Variants in ALOXE3 observed in about 807,000 individuals in gnomAD.
ALOXE3 encodes the protein hydroperoxide isomerase ALOXE3.
In ALOXE3, 78 loss-of-function variants were observed where a neutral mutation model predicts 87.5. The observed-to-expected ratio is 0.89, with a 90% CI of 0.74 to 1.08. The LOEUF (loss-of-function observed/expected upper bound fraction) is 1.08. Among genes scored for constraint, ALOXE3 ranks in the 50% least tolerant of loss-of-function variants. ALOXE3 has a pLI of 0.00. For synonymous variants in ALOXE3, 363 were observed against 370.8 expected, an observed-to-expected ratio of 0.98 and a Z score of 0.24; for missense variants, 946 against 912.4, an observed-to-expected ratio of 1.04 and a Z score of -0.47.
At chr17:8,099,683 ATCT>A (rs1293074513) in intron 15 of ALOXE3, among the ~76,000 whole-genome samples, 1 of 151,456 alleles carries the variant, frequency 6.6e-6, no homozygotes, top group Non-Finnish European at 1.5e-5. Context: ...AAAGTAAAAA[ATCT>A]TCTCTGCATT....
intron 13 of ALOXE3, among the ~76,000 whole-genome samples, chr17:8,106,569 A>G (rs1979327700): frequency 6.6e-6 from 1 of 152,194 alleles, no homozygotes; most frequent in Non-Finnish European, 1.5e-5. Context: ...TGGACAGACC[A>G]TCTATAGGAA....
intron 14 of ALOXE3, 98 bp from the exon 15 acceptor site, chr17:8,103,591 G>T: frequency 1.5e-6 from 2 of 1,343,276 alleles, no homozygotes; most frequent in Non-Finnish European, 2.1e-6. Flanking sequence ...TCCTAGAGGT[G>T]ATAGTTGGGA....
intron 12 of ALOXE3, 130 bp downstream of exon 12, chr17:8,109,044 T>C: frequency 1.4e-6 from 2 of 1,399,468 alleles, no homozygotes; most frequent in East Asian, 5.0e-5. Flanking sequence ...ACTCAATTCA[T>C]ACCCTCAAGA....
rs1419686921 is a variant in ALOXE3 at position 8,100,168 on chromosome 17, A to G, written c.1956+3155T>C. Among the ~76,000 whole-genome samples the G allele has an allele frequency of 2.0e-5, 3 of 152,246 alleles. No homozygotes were observed. The East Asian group carries it at 5.8e-4, about 29-fold the overall frequency. ...GGAGGGAGGGACGGAAGCAAAAAAAATAGTGCTGTAAGTGACAGTCTGCCA... is the reference window on the plus strand; with the variant it reads ...GGAGGGAGGGACGGAAGCAAAAAAAGTAGTGCTGTAAGTGACAGTCTGCCA... On this transcript the variant is annotated intron_variant, in intron 15 of 15. Transcript: ENST00000448843.
At chr17:8,103,281 G>T (rs1979038327) in intron 15 of ALOXE3, 42 bp downstream of exon 15, 1 of 1,609,578 alleles carries the variant, frequency 6.2e-7, no homozygotes, top group Non-Finnish European at 8.5e-7. Context: ...CCTACTGGTG[G>T]CCCTAAAGAA....
chr17:8,114,134 G>A (rs1431018262), intron 6 of ALOXE3, among the ~76,000 whole-genome samples: 2 of 152,046 alleles, frequency 1.3e-5, no homozygotes, highest in Non-Finnish European at 2.9e-5. Context: ...ATGTCACCTG[G>A]GCTCCTAAGC....
intron 13 of ALOXE3, among the ~76,000 whole-genome samples, chr17:8,107,698 T>C (rs1190039876): frequency 2.0e-5 from 3 of 146,884 alleles, no homozygotes; most frequent in East Asian, 2.0e-4. Context: ...ACTCCGGAGG[T>C]TGAGGCAGGA....
rs375389989 is a variant in ALOXE3 at position 8,096,743 on chromosome 17, C to G, written c.2020G>C (p.Ala674Pro). Residue 674 changes from alanine (A) to proline (P), a missense_variant, in exon 16 of 16, where the codon GCC (alanine) becomes CCC (proline). Ala to Pro is a conservative substitution (Grantham distance 27). Transcript: ENST00000448843. ...TEEAPRRSIA[A>P]FQSRLAQISR... is the part of the protein sequence containing the mutation. ...ATCTGGGCCAGGCGGCTCTGGAAGG[C>G]GGCGATGCTCCGCCTCGGGGCCTCC... 1 of 1,614,166 alleles carries G rather than the reference C, an allele frequency of 6.2e-7. No homozygotes were observed. The highest frequency in any genetic ancestry group is 8.5e-7 in the Non-Finnish European group (1 of 1,180,022).
intron 15 of ALOXE3, among the ~76,000 whole-genome samples, chr17:8,098,248 T>TTG (rs2151828819): frequency 7.1e-6 from 1 of 141,176 alleles, no homozygotes; most frequent in South Asian, 2.4e-4. Flanking sequence ...TTTTTTTTTT[T>TTG]TTTTTTTTGA....
intron 14 of ALOXE3, among the ~76,000 whole-genome samples, 168 bp downstream of exon 14, chr17:8,103,947 C>T (rs1979094210): frequency 6.6e-6 from 1 of 152,154 alleles, no homozygotes; most frequent in Non-Finnish European, 1.5e-5. Context: ...CAGCTCCACC[C>T]AGTCATCACC....
intron 15 of ALOXE3, among the ~76,000 whole-genome samples, chr17:8,100,095 A>T (rs1308968027): frequency 6.6e-6 from 1 of 151,128 alleles, no homozygotes; most frequent in Non-Finnish European, 1.5e-5. Flanking sequence ...TGACCCTGTC[A>T]AAAGAGAGAA....
Position 8,110,087 on chromosome 17 carries a change from C to T in ALOXE3, c.1305+5G>A. ...CCCGCTGGGCCCCCACCCGGGGTCG[C>T]GGACCTTGTAGATGGGGTGGCAGAG... On this transcript the variant is annotated splice_donor_5th_base_variant and intron_variant, in intron 10 of 15. Coordinates refer to ENST00000448843, the MANE Select transcript of ALOXE3 (RefSeq NM_021628.3). The T allele has an allele frequency of 1.9e-6, 3 of 1,610,702 alleles. No homozygotes were observed. Among genetic ancestry groups the T allele is most frequent in the South Asian group, 2.2e-5 (2 of 90,658 alleles).
At position 8,109,194 on chromosome 17, in the gene ALOXE3, C is replaced by T. The variant is rs370462522; in HGVS notation, c.1542G>A (p.Lys514=). The T allele has an allele frequency of 2.9e-5, 47 of 1,613,690 alleles. No homozygotes were observed. The highest frequency in any genetic ancestry group is 3.6e-5 in the Non-Finnish European group (42 of 1,180,046). The change falls in exon 12 of 16, where the codon AAG becomes AAA. Residue 514 remains lysine (K), a synonymous_variant. Coordinates refer to ENST00000448843, the MANE Select transcript of ALOXE3 (RefSeq NM_021628.3). ...CGCACCTCTCAATGGCCGCCCAGATCTTCAGGCCGTCGTCTCGGTAGTGGT... is the reference window on the plus strand; with the variant it reads ...CGCACCTCTCAATGGCCGCCCAGATTTTCAGGCCGTCGTCTCGGTAGTGGT... ...PNYHYRDDGL[K]IWAAIESFVS...
intron 1 of ALOXE3, 74 bp downstream of exon 1, chr17:8,118,412 C>T: frequency 6.4e-7 from 1 of 1,551,084 alleles, no homozygotes; most frequent in Non-Finnish European, 8.7e-7. Flanking sequence ...CCCTGGAGTG[C>T]TTGTCCGCCC....
chr17:8,104,714 C>T (rs1400193992), intron 13 of ALOXE3, among the ~76,000 whole-genome samples: 1 of 152,176 alleles, frequency 6.6e-6, no homozygotes, highest in East Asian at 1.9e-4. Context: ...AGAGGGCAAG[C>T]AGGGCAGAAA....
In ALOXE3 at chr17:8,111,301, A is replaced by G. The variant is rs201023368; in HGVS notation, c.957+58T>C. 1.5e-5 allele frequency: 24 copies of G among 1,600,618 alleles called. 1 individual carries two copies. The East Asian group carries it at 3.6e-4, about 24-fold the overall frequency. ...TACCCTCCACACACATCCCTTGTCCATAATGGTGACACACCCACCTCCCAC... is the reference window on the plus strand; with the variant it reads ...TACCCTCCACACACATCCCTTGTCCGTAATGGTGACACACCCACCTCCCAC... On this transcript the variant is annotated intron_variant, in intron 8 of 15. Transcript: ENST00000448843.
chr17:8,107,723 C>G (rs1477412516), intron 13 of ALOXE3, among the ~76,000 whole-genome samples: 1 of 149,810 alleles, frequency 6.7e-6, no homozygotes, highest in Non-Finnish European at 1.5e-5. Context: ...GGCGTGAACC[C>G]GGGAGGCGGA....
Position 8,096,497 on chromosome 17 carries a change from G to T in ALOXE3, c.*130C>A, listed in dbSNP as rs1978547922. ...TGTCAGAGCCATCTTGGCTGCAAAA[G>T]TCTCCATGTGCAGAAGAGAAGGTTC... is the stretch of plus-strand genomic sequence containing the variant. On this transcript the variant is annotated 3_prime_UTR_variant, in exon 16 of 16. Coordinates refer to ENST00000448843, the MANE Select transcript of ALOXE3 (RefSeq NM_021628.3). 1 of 718,308 alleles carries T rather than the reference G, an allele frequency of 1.4e-6. No individual in the cohort carries two copies. The highest frequency in any genetic ancestry group is 2.6e-6 in the Non-Finnish European group (1 of 389,686). The allele number at this position is 718,308 out of a possible 1,614,324, so 44.5% of individuals were successfully genotyped here.
intron 4 of ALOXE3, 104 bp downstream of exon 4, chr17:8,115,503 G>A (rs3027216): frequency 8.0e-7 from 1 of 1,242,534 alleles, no homozygotes; most frequent in South Asian, 1.3e-5. Flanking sequence ...CCTGATCCAA[G>A]CTAGGCACCC....
Sources: allele counts gnomAD v4.1 joint callset (sites outside exome capture counted in the v4.1 genomes callset), GRCh38; gene constraint gnomAD v4.1.1; transcripts MANE v1.5; gene names NCBI Gene and HGNC (gene_info 2026-07-23, HGNC 2026-07-21).